Variants in TULP2 observed in about 807,000 individuals in gnomAD.
TULP2 encodes TUB like protein 2.
In TULP2, 64 loss-of-function variants were observed where a neutral mutation model predicts 60.3. The ratio of observed to expected loss-of-function variants is 1.06; its 90% confidence interval spans 0.87 to 1.31. The LOEUF (loss-of-function observed/expected upper bound fraction) is 1.31, where lower values mean the gene tolerates loss of function less well. TULP2 is among the 50% of genes most tolerant of loss of function. The pLI is 0.00. For missense variants in TULP2, 652 were observed against 667.0 expected (o/e 0.98, Z 0.25); for synonymous variants, 267 against 265.4 (o/e 1.01, Z -0.06).
chr19:48,889,410 GA>G (rs1286266907), intron 7 of TULP2, 99 bp downstream of exon 7: 1 of 1,481,264 alleles, frequency 6.8e-7, no homozygotes, highest in African/African-American at 1.4e-5. Context: ...CCAGGAAAAA[GA>G]GCTTCTGATT....
At chr19:48,893,861 A>G (rs2037255181) in intron 6 of TULP2, among the ~76,000 whole-genome samples, 1 of 152,108 alleles carries the variant, frequency 6.6e-6, no homozygotes, top group African/African-American at 2.4e-5. Flanking sequence ...GCCATGATGC[A>G]GGATCTCTAT....
chr19:48,887,804 C>T (rs1001972140), intron 8 of TULP2, 146 bp downstream of exon 8: 16 of 830,058 alleles, frequency 1.9e-5, no homozygotes, highest in South Asian at 3.6e-5. Context: ...GTGATCCACC[C>T]GCTTCAGCCT....
Position 48,889,438 on chromosome 19 carries a change from G to A in TULP2, c.636+72C>T. The A allele has an allele frequency of 7.3e-6, 11 of 1,503,990 alleles. No homozygotes were observed. In the South Asian group the frequency reaches 1.4e-4, roughly 19 times the overall value. 93.2% of individuals were successfully genotyped at this position (1,503,990 alleles called of 1,614,324 possible). ...CTTCTGATTGGGTGGCAGAATTTTA[G>A]CCCCACCCTCACCAGAGGTCCGAGG... On this transcript the variant is annotated intron_variant, in intron 7 of 12. Transcript: ENST00000221399.
rs2270944 is a variant in TULP2 at position 48,896,335 on chromosome 19, C to T, written c.211+95G>A. 2.9e-3 allele frequency: 4,206 copies of T among 1,460,154 alleles called. 142 individuals are homozygous for T. The East Asian group carries it at 0.068, about 23-fold the overall frequency. The allele number at this position is 1,460,154 out of a possible 1,614,324, so 90.4% of individuals were successfully genotyped here. A position where few individuals can be genotyped will look rare whatever the true frequency, so the allele number is the denominator to read the frequency against. Reference sequence around the variant, plus strand: ...GCCCCCATCCACTGCCAAGTCCCCACCCTAAGGCTCCACCCCTTCATCCAC... The same window carrying T: ...GCCCCCATCCACTGCCAAGTCCCCATCCTAAGGCTCCACCCCTTCATCCAC... On this transcript the variant is annotated intron_variant, in intron 4 of 12. Coordinates refer to ENST00000221399, the MANE Select transcript of TULP2 (RefSeq NM_003323.3).
chr19:48,897,903 A>G lies in TULP2; in HGVS notation c.-1-34T>C, dbSNP rs1054284008. 8.1e-6 allele frequency: 13 copies of G among 1,604,304 alleles called. No homozygotes were observed. In the African/African-American group the frequency reaches 1.6e-4, roughly 20 times the overall value. On this transcript the variant is annotated intron_variant, in intron 1 of 12. Coordinates refer to ENST00000221399, the MANE Select transcript of TULP2 (RefSeq NM_003323.3). The surrounding 1 kb of genome is among the most constrained non-coding windows in gnomAD (Gnocchi z 4.0). ...GCAAGAATGAGGAGTCAGGATCAGA[A>G]CCAACATCCCAATGGATCCTGCCCA...
rs2037294413 is a variant in TULP2, at chr19:48,897,607, C to T, written c.33-211G>A. On this transcript the variant is annotated intron_variant, in intron 2 of 12. Coordinates refer to ENST00000221399, the MANE Select transcript of TULP2 (RefSeq NM_003323.3). The surrounding 1 kb of genome is among the most constrained non-coding windows in gnomAD (Gnocchi z 4.0). ...AAGCCGGGACCCAGAGATCCCAGGT[C>T]CCTCCTGTCTCAGGATTCAGGAGTC... is the stretch of plus-strand genomic sequence containing the variant. 1 of 694,774 alleles carries T rather than the reference C, an allele frequency of 1.4e-6. No homozygotes were observed. The highest frequency in any genetic ancestry group is 1.8e-5 in the South Asian group (1 of 55,024). The allele number at this position is 694,774 out of a possible 1,614,324, so 43.0% of individuals were successfully genotyped here.
intron 6 of TULP2, among the ~76,000 whole-genome samples, chr19:48,894,284 C>T (rs1199240814): frequency 6.6e-6 from 1 of 151,708 alleles, no homozygotes. Context: ...CAACCAGCCT[C>T]AGCCTCCCAA....
chr19:48,892,330 G>A (rs906527652), intron 6 of TULP2, among the ~76,000 whole-genome samples: 1 of 152,158 alleles, frequency 6.6e-6, no homozygotes, highest in African/African-American at 2.4e-5. Context: ...ATAGAGAATG[G>A]AGAATGGCAA....
intron 4 of TULP2, 82 bp downstream of exon 4, chr19:48,896,348 C>T: frequency 1.4e-6 from 2 of 1,480,836 alleles, no homozygotes; most frequent in Non-Finnish European, 1.8e-6. Context: ...TAAGGCTCCA[C>T]CCCTTCATCC....
chr19:48,883,881 G>T (rs1273926225), intron 10 of TULP2, 29 bp from the exon 11 acceptor site: 2 of 1,613,956 alleles, frequency 1.2e-6, no homozygotes, highest in Admixed American at 1.7e-5. Context: ...AGTTGGCCTG[G>T]TTCCTTCTTC....
chr19:48,881,963 A>G (rs1432590338), intron 12 of TULP2, 69 bp downstream of exon 12: 1 of 1,599,786 alleles, frequency 6.3e-7, no homozygotes, highest in African/African-American at 1.3e-5. Context: ...TGGGAGATGT[A>G]GTTCCCTTCC....
chr19:48,890,085 A>G (rs2037218699), intron 6 of TULP2, among the ~76,000 whole-genome samples: 1 of 152,200 alleles, frequency 6.6e-6, no homozygotes, highest in Non-Finnish European at 1.5e-5. Flanking sequence ...GATTAGTATA[A>G]GAGGAAGGCA....
At chr19:48,882,005 C>G (rs769250578) in intron 12 of TULP2, 27 bp downstream of exon 12, 1 of 1,614,136 alleles carries the variant, frequency 6.2e-7, no homozygotes, top group East Asian at 2.2e-5. Flanking sequence ...CCACCTGGCC[C>G]GGCTAAACTG....
rs555792869 is a variant in TULP2, at chr19:48,889,375, C to A, written c.636+135G>T. ...GCACGCACGCACGCACGCACACACA[C>A]AAGTCTCTGCCAGCTTAATCACCAC... On this transcript the variant is annotated intron_variant, in intron 7 of 12. Coordinates refer to ENST00000221399, the MANE Select transcript of TULP2 (RefSeq NM_003323.3). The A allele has an allele frequency of 1.5e-4, 210 of 1,434,782 alleles. No homozygotes were observed. In the African/African-American group the frequency reaches 2.6e-3, roughly 18 times the overall value. The allele number at this position is 1,434,782 out of a possible 1,614,324, so 88.9% of individuals were successfully genotyped here. A position where few individuals can be genotyped will look rare whatever the true frequency, so the allele number is the denominator to read the frequency against.
At chr19:48,895,593 AC>A (rs964393907) in intron 4 of TULP2, 90 bp from the exon 5 acceptor site, 30 of 1,484,862 alleles carry the variant, frequency 2.0e-5, no homozygotes, top group Non-Finnish European at 2.7e-5. Flanking sequence ...CCCAAATATC[AC>A]CCCCGCCAGG....
At chr19:48,887,892 G>C in intron 8 of TULP2, 58 bp downstream of exon 8, 1 of 1,555,350 alleles carries the variant, frequency 6.4e-7, no homozygotes, top group Non-Finnish European at 8.8e-7. Context: ...GAAAGGAGTG[G>C]GATTTTGCCT....
At position 48,887,989 on chromosome 19, in the gene TULP2, G is replaced by C; in HGVS notation, c.909C>G (p.Pro303=). 2 of 1,613,996 alleles carry C rather than the reference G, an allele frequency of 1.2e-6. No individual in the cohort carries two copies. The highest frequency in any genetic ancestry group is 2.2e-5 in the South Asian group (2 of 91,076). Reference sequence around the variant, plus strand: ...AGGTCTCCAGGTAGAGGTAGTAGAGGGGGAACAAGCCCTTGTCCACGCCGT... The same window carrying C: ...AGGTCTCCAGGTAGAGGTAGTAGAGCGGGAACAAGCCCTTGTCCACGCCGT... The part of the protein sequence containing the change: ...DKHGVDKGLF[P]LYYLYLETSD... The change falls in exon 8 of 13, where the codon CCC becomes CCG. Residue 303 remains proline, a synonymous_variant. Coordinates refer to ENST00000221399, the MANE Select transcript of TULP2 (RefSeq NM_003323.3).
At chr19:48,885,840 G>A (rs1292726083) in intron 8 of TULP2, among the ~76,000 whole-genome samples, 2 of 152,028 alleles carry the variant, frequency 1.3e-5, no homozygotes, top group African/African-American at 2.4e-5. Flanking sequence ...AGCTGAGATC[G>A]CACCACTGCA....
At chr19:48,894,937 G>T in intron 6 of TULP2, 61 bp downstream of exon 6, 1 of 1,550,074 alleles carries the variant, frequency 6.5e-7, no homozygotes, top group Non-Finnish European at 8.7e-7. Context: ...CCTAAGAAAG[G>T]GGAAGATTTG....
Sources: allele counts gnomAD v4.1 joint callset (sites outside exome capture counted in the v4.1 genomes callset), GRCh38; gene constraint gnomAD v4.1.1; non-coding constraint Gnocchi (gnomAD v3.1); transcripts MANE v1.5; gene names NCBI Gene and HGNC (gene_info 2026-07-23, HGNC 2026-07-21).